METTL15: variants seen among roughly 807,000 people sequenced by gnomAD.
The protein encoded by METTL15 is methyltransferase 15, mitochondrial 12S rRNA N4-cytidine.
Under a neutral mutation model 38.3 loss-of-function variants are expected in METTL15, and 34 were observed. The ratio of observed to expected loss-of-function variants is 0.89; its 90% CI spans 0.68 to 1.18. The LOEUF (loss-of-function observed/expected upper bound fraction) is 1.18. Ranked by LOEUF, METTL15 falls within the 50% of genes most tolerant of loss-of-function variation. The pLI, the probability that METTL15 is intolerant of heterozygous loss-of-function variation, is 0.00. For synonymous variants in METTL15, 162 were observed against 170.9 expected (o/e 0.95, Z 0.41); for missense variants, 438 against 498.4 (o/e 0.88, Z 1.15).
intron 4 of METTL15, among the ~76,000 whole-genome samples, chr11:28,216,886 T>C (rs1852905545): frequency 8.5e-6 from 1 of 117,992 alleles, no homozygotes; most frequent in African/African-American, 2.6e-5. Flanking sequence ...ACAAAGGACA[T>C]GAACTCATCT....
intron 3 of METTL15, among the ~76,000 whole-genome samples, chr11:28,159,881 G>A (rs2133739164): frequency 6.6e-6 from 1 of 152,172 alleles, no homozygotes; most frequent in South Asian, 2.1e-4. Flanking sequence ...GACAAGGGGT[G>A]GACTTACTTT....
At chr11:28,266,721 T>C (rs1304727256) in intron 4 of METTL15, among the ~76,000 whole-genome samples, 2 of 152,204 alleles carry the variant, frequency 1.3e-5, no homozygotes, top group African/African-American at 4.8e-5. Flanking sequence ...TTCTCTTACC[T>C]GGATCAGTGC....
chr11:28,530,408 T>C (rs1367783659), downstream of METTL15, among the ~76,000 whole-genome samples: 1 of 152,132 alleles, frequency 6.6e-6, no homozygotes, highest in Non-Finnish European at 1.5e-5. Context: ...TTATTTTAAA[T>C]CTCCTTCAAT....
intron 4 of METTL15, among the ~76,000 whole-genome samples, chr11:28,271,157 C>G (rs997940477): frequency 6.6e-6 from 1 of 152,124 alleles, no homozygotes; most frequent in African/African-American, 2.4e-5. Flanking sequence ...AAAGATTTCT[C>G]TGGTCACACA....
chr11:28,212,714 A>G (rs1481564855), intron 4 of METTL15, among the ~76,000 whole-genome samples: 1 of 152,158 alleles, frequency 6.6e-6, no homozygotes, highest in African/African-American at 2.4e-5. Context: ...AGTTTTGTAC[A>G]TGTCTAATAC....
At chr11:28,370,525 A>T (rs751799678) in intron 5 of METTL15, among the ~76,000 whole-genome samples, 9 of 151,994 alleles carry the variant, frequency 5.9e-5, no homozygotes, top group Non-Finnish European at 1.3e-4. Context: ...GTGTGAGTGC[A>T]GATATCTTTT....
At chr11:28,246,275 A>G (rs1420528027) in intron 4 of METTL15, among the ~76,000 whole-genome samples, 2 of 152,170 alleles carry the variant, frequency 1.3e-5, no homozygotes, top group African/African-American at 4.8e-5. Context: ...GAATGTATTA[A>G]AATATCATAT....
intron 3 of METTL15, among the ~76,000 whole-genome samples, chr11:28,147,243 A>C (rs1460525290): frequency 6.6e-6 from 1 of 151,924 alleles, no homozygotes; most frequent in Non-Finnish European, 1.5e-5. Flanking sequence ...CAATATCTGT[A>C]TAATAAACAC....
chr11:28,145,312 T>C (rs948940892), intron 3 of METTL15: 6 of 152,140 alleles, frequency 3.9e-5, no homozygotes, highest in Non-Finnish European at 7.4e-5. Context: ...TCCATTTCTT[T>C]ACTGTTATAC....
intron 3 of METTL15, among the ~76,000 whole-genome samples, chr11:28,339,874 C>A (rs989592564): frequency 1.2e-4 from 18 of 151,828 alleles, no homozygotes; most frequent in Admixed American, 7.2e-4. Flanking sequence ...GGGAACTATT[C>A]GATGATAAAA....
chr11:28,213,730 A>G (rs1852741691), intron 4 of METTL15, among the ~76,000 whole-genome samples: 1 of 145,442 alleles, frequency 6.9e-6, no homozygotes, highest in African/African-American at 2.6e-5. Context: ...ATCTCGGCTC[A>G]CTGCAAGGTC....
At chr11:28,365,561 CTT>C (rs576953048) in intron 5 of METTL15, among the ~76,000 whole-genome samples, 4,375 of 151,370 alleles carry the variant, frequency 0.029, 77 homozygotes, top group Non-Finnish European at 0.044. Flanking sequence ...AATCTTCTCT[CTT>C]TTTTTTTCTT....
At chr11:28,296,129 G>C (rs1856725021) in intron 5 of METTL15, among the ~76,000 whole-genome samples, 1 of 151,972 alleles carries the variant, frequency 6.6e-6, no homozygotes. Flanking sequence ...TTGATTACCA[G>C]GTTTTACCAT....
At chr11:28,154,627 C>G (rs1465586128) in intron 3 of METTL15, among the ~76,000 whole-genome samples, 1 of 152,054 alleles carries the variant, frequency 6.6e-6, no homozygotes. Flanking sequence ...TACTGTGTCA[C>G]TTTGGGCAAG....
chr11:28,187,099 A>C (rs1490399555), intron 3 of METTL15, among the ~76,000 whole-genome samples: 1 of 151,228 alleles, frequency 6.6e-6, no homozygotes, highest in Non-Finnish European at 1.5e-5. Context: ...AAATAATAGA[A>C]AGCTTCAAAT....
At chr11:28,278,992 AT>A (rs1280381006) in intron 4 of METTL15, among the ~76,000 whole-genome samples, 1 of 151,962 alleles carries the variant, frequency 6.6e-6, no homozygotes, top group Non-Finnish European at 1.5e-5. Flanking sequence ...ATGCCTGGCT[AT>A]TTTTTGTATT....
chr11:28,358,003 T>C (rs1456317381), intron 4 of METTL15, among the ~76,000 whole-genome samples: 1 of 152,058 alleles, frequency 6.6e-6, no homozygotes, highest in African/African-American at 2.4e-5. Context: ...ACTTCACAGA[T>C]TTAAATAAGG....
intron 5 of METTL15, among the ~76,000 whole-genome samples, chr11:28,387,388 A>G (rs916995766): frequency 4.6e-5 from 7 of 151,924 alleles, no homozygotes; most frequent in East Asian, 1.9e-4. Context: ...AAATTAAAAT[A>G]AAAGATCATG....
intron 5 of METTL15, among the ~76,000 whole-genome samples, chr11:28,424,134 A>G (rs1850845315): frequency 6.6e-6 from 1 of 152,148 alleles, no homozygotes; most frequent in Admixed American, 6.6e-5. Context: ...TTTTCGTATG[A>G]TGTTAATGTT....
Sources: gnomAD v4.1 joint callset for allele counts (sites outside exome capture counted in the v4.1 genomes callset) on GRCh38, gnomAD v4.1.1 for gene constraint, MANE v1.5 for transcripts, NCBI Gene and HGNC (gene_info 2026-07-23, HGNC 2026-07-21) for gene names.